EPHA3: variants seen among roughly 807,000 people sequenced by gnomAD.
EPHA3 encodes the protein EPH receptor A3, also known as ephrin type-A receptor 3.
A neutral mutation model predicts 107.1 loss-of-function variants in EPHA3; 42 were observed. That is an observed-to-expected ratio of 0.39 (90% confidence interval 0.31 to 0.51). EPHA3 has a LOEUF of 0.51. Among genes scored for constraint, EPHA3 ranks in the 20% least tolerant of loss-of-function variants. The probability of loss-of-function intolerance (pLI) is 0.78; values close to 1 mark genes in which losing one functional copy is unlikely to be tolerated. For missense variants in EPHA3, 1,183 were observed against 1,211.2 expected (o/e 0.98, Z 0.35); for synonymous variants, 461 against 424.8 (o/e 1.09, Z -1.05).
intron 2 of EPHA3, among the ~76,000 whole-genome samples, chr3:89,166,731 A>G (rs1705081418): frequency 6.6e-6 from 1 of 152,136 alleles, no homozygotes; most frequent in Admixed American, 6.5e-5. Context: ...GAAATGTCGT[A>G]CTCTCAGAAT....
At chr3:89,242,807 G>A (rs1262081519) in intron 3 of EPHA3, among the ~76,000 whole-genome samples, 7 of 151,816 alleles carry the variant, frequency 4.6e-5, no homozygotes, top group Admixed American at 3.9e-4. Context: ...ACAACGTGCA[G>A]GTTAGTTACA....
chr3:89,136,863 G>A (rs1704326175), intron 2 of EPHA3, among the ~76,000 whole-genome samples: 1 of 151,548 alleles, frequency 6.6e-6, no homozygotes, highest in African/African-American at 2.4e-5. Flanking sequence ...TTTTTTTAAA[G>A]TAGATTTAAA....
At chr3:89,450,089 A>G in intron 14 of EPHA3, 88 bp from the exon 15 acceptor site, 2 of 1,095,610 alleles carry the variant, frequency 1.8e-6, no homozygotes, top group Non-Finnish European at 2.5e-6. Flanking sequence ...TAAAATAAGC[A>G]TATTTGTGAG....
intron 2 of EPHA3, among the ~76,000 whole-genome samples, chr3:89,132,635 C>G (rs1355706424): frequency 2.6e-5 from 4 of 152,102 alleles, no homozygotes; most frequent in African/African-American, 4.8e-5. Flanking sequence ...TTTGAGAGAC[C>G]AAGGCAGGAG....
chr3:89,111,085 T>A (rs189329449), intron 1 of EPHA3, among the ~76,000 whole-genome samples: 244 of 150,496 alleles, frequency 1.6e-3, no homozygotes, highest in African/African-American at 6.0e-3. Context: ...TTTTAAAGAC[T>A]TTTTTTAGTA....
At chr3:89,271,482 C>T (rs892872842) in intron 3 of EPHA3, among the ~76,000 whole-genome samples, 1 of 151,888 alleles carries the variant, frequency 6.6e-6, no homozygotes. Flanking sequence ...AGCAACTTGG[C>T]TTTCTCTCAC....
intron 5 of EPHA3, among the ~76,000 whole-genome samples, chr3:89,348,807 T>G: frequency 7.0e-6 from 1 of 143,854 alleles, no homozygotes; most frequent in Non-Finnish European, 1.5e-5. Context: ...GAGATTCTGG[T>G]ATGTCGTGTC....
chr3:89,264,740 A>C (rs1705497568), intron 3 of EPHA3, among the ~76,000 whole-genome samples: 1 of 152,154 alleles, frequency 6.6e-6, no homozygotes, highest in Admixed American at 6.6e-5. Context: ...GCTCTCAGGA[A>C]ATATTTATTG....
chr3:89,468,649 G>C (rs1559707194), intron 15 of EPHA3, among the ~76,000 whole-genome samples: 1 of 152,126 alleles, frequency 6.6e-6, no homozygotes, highest in Non-Finnish European at 1.5e-5. Context: ...TTAATGTCTT[G>C]TCTCATTCTA....
chr3:89,285,070 C>T (rs1217124424), intron 3 of EPHA3, among the ~76,000 whole-genome samples: 1 of 152,084 alleles, frequency 6.6e-6, no homozygotes, highest in African/African-American at 2.4e-5. Context: ...GTGCAGTGAG[C>T]CGAGATCATG....
In EPHA3 at chr3:89,473,897, G is replaced by T. The variant is rs149496652; in HGVS notation, c.2846+1278G>T. 2.8e-3 allele frequency among the ~76,000 whole-genome samples: 423 copies of T among 152,202 alleles called. 2 individuals carry two copies. The highest frequency in any genetic ancestry group is 9.2e-3 in the African/African-American group (384 of 41,520). ...ACCAAAAGTTGTCCAGCATGTTGTCGCTTGCATGGTCTATTGGGAAACTGT... is the reference window on the plus strand; with the variant it reads ...ACCAAAAGTTGTCCAGCATGTTGTCTCTTGCATGGTCTATTGGGAAACTGT... On this transcript the variant is annotated intron_variant, in intron 16 of 16. Coordinates refer to ENST00000336596, the MANE Select transcript of EPHA3 (RefSeq NM_005233.6).
chr3:89,170,186 G>A (rs1705179753), intron 2 of EPHA3, among the ~76,000 whole-genome samples: 1 of 151,648 alleles, frequency 6.6e-6, no homozygotes, highest in Non-Finnish European at 1.5e-5. Context: ...AGCCCGGGAG[G>A]TGCAGTTTAC....
At chr3:89,247,859 A>G (rs1381433605) in intron 3 of EPHA3, among the ~76,000 whole-genome samples, 1 of 152,166 alleles carries the variant, frequency 6.6e-6, no homozygotes. Flanking sequence ...AGTGGATGAA[A>G]TTGTCTATAG....
At chr3:89,306,033 C>T (rs925729578) in intron 3 of EPHA3, among the ~76,000 whole-genome samples, 1 of 152,082 alleles carries the variant, frequency 6.6e-6, no homozygotes, top group African/African-American at 2.4e-5. Flanking sequence ...AACGTCTCAT[C>T]GTCATTGTCG....
At chr3:89,306,890 C>T (rs574010613) in intron 3 of EPHA3, among the ~76,000 whole-genome samples, 1 of 152,064 alleles carries the variant, frequency 6.6e-6, no homozygotes, top group African/African-American at 2.4e-5. Flanking sequence ...GATGAAGCAC[C>T]TTTCATGGTT....
chr3:89,279,663 G>C (rs1186580406), intron 3 of EPHA3, among the ~76,000 whole-genome samples: 4 of 151,734 alleles, frequency 2.6e-5, no homozygotes. Context: ...TCTTTTTCTA[G>C]AGTGGGTCCT....
At chr3:89,150,259 G>A (rs1194747803) in intron 2 of EPHA3, among the ~76,000 whole-genome samples, 3 of 151,968 alleles carry the variant, frequency 2.0e-5, no homozygotes, top group African/African-American at 4.8e-5. Flanking sequence ...TTTTCATGGG[G>A]TATATTTTGT....
chr3:89,214,527 GTA>G (rs1704180262), intron 3 of EPHA3, among the ~76,000 whole-genome samples: 1 of 151,854 alleles, frequency 6.6e-6, no homozygotes, highest in African/African-American at 2.4e-5. Flanking sequence ...ATATATTTGT[GTA>G]TTCATTATTT....
intron 3 of EPHA3, among the ~76,000 whole-genome samples, chr3:89,299,261 C>A (rs1706429931): frequency 6.6e-6 from 1 of 151,944 alleles, no homozygotes; most frequent in African/African-American, 2.4e-5. Context: ...AACTATTATA[C>A]TTAATCAAGG....
Sources: gnomAD v4.1 joint callset for allele counts (sites outside exome capture counted in the v4.1 genomes callset) on GRCh38, gnomAD v4.1.1 for gene constraint, MANE v1.5 for transcripts, NCBI Gene and HGNC (gene_info 2026-07-23, HGNC 2026-07-21) for gene names.